Variants in ZNF430 observed in about 807,000 individuals in gnomAD.
ZNF430 encodes the protein zinc finger protein 430.
In ZNF430, 35 loss-of-function variants were observed where a neutral mutation model predicts 56.7. The ratio of observed to expected loss-of-function variants is 0.62; its 90% CI spans 0.47 to 0.82. The LOEUF is 0.82. Among genes scored for constraint, ZNF430 ranks in the 40% least tolerant of loss-of-function variants. The pLI, the probability that ZNF430 is intolerant of heterozygous loss-of-function variation, is 0.00. For synonymous variants in ZNF430, 212 were observed against 224.3 expected (o/e 0.94, Z 0.49); for missense variants, 574 against 661.0 (o/e 0.87, Z 1.44).
intron 4 of ZNF430, among the ~76,000 whole-genome samples, chr19:21,037,395 GGTGTGAGTCA>G (rs1471916185): frequency 6.6e-6 from 1 of 152,096 alleles, no homozygotes; most frequent in African/African-American, 2.4e-5. Context: ...TGGGATTACA[GGTGTGAGTCA>G]CACGCTTGGC....
chr19:21,049,227 CTT>C (rs965749322), intron 4 of ZNF430, among the ~76,000 whole-genome samples: 3 of 127,674 alleles, frequency 2.3e-5, no homozygotes, highest in Non-Finnish European at 5.2e-5. Flanking sequence ...ACTTCTTAAA[CTT>C]TAATTAAATA....
chr19:21,021,745 T>G (rs1328875803), intron 1 of ZNF430, among the ~76,000 whole-genome samples: 1 of 152,014 alleles, frequency 6.6e-6, no homozygotes, highest in Non-Finnish European at 1.5e-5. Context: ...CAGACCTTAA[T>G]TGGCAGTATA....
At chr19:21,021,479 A>G (rs1051474611) in intron 1 of ZNF430, among the ~76,000 whole-genome samples, 2 of 152,082 alleles carry the variant, frequency 1.3e-5, no homozygotes, top group African/African-American at 4.8e-5. Flanking sequence ...AGCCTGTGTA[A>G]CAGAGCAAGA....
chr19:21,033,401 C>G, intron 2 of ZNF430, 55 bp from the exon 3 acceptor site: 1 of 1,554,274 alleles, frequency 6.4e-7, no homozygotes, highest in Non-Finnish European at 8.7e-7. Flanking sequence ...ATAATAAATT[C>G]TGCCCGTGGC....
intron 4 of ZNF430, among the ~76,000 whole-genome samples, chr19:21,050,542 T>C (rs2144785129): frequency 6.6e-6 from 1 of 152,374 alleles, no homozygotes; most frequent in South Asian, 2.1e-4. Flanking sequence ...GGTTGTTCAA[T>C]CTTGTCTAGG....
intron 2 of ZNF430, among the ~76,000 whole-genome samples, chr19:21,023,197 G>T (rs1967729095): frequency 6.6e-6 from 1 of 152,170 alleles, no homozygotes; most frequent in African/African-American, 2.4e-5. Context: ...GCATAGTGTG[G>T]TATCTCCTGA....
Position 21,058,203 on chromosome 19 carries a change from G to C in ZNF430, c.*182G>C. The C allele has an allele frequency of 1.7e-6, 1 of 605,270 alleles. No individual in the cohort carries two copies. The highest frequency in any genetic ancestry group is 2.8e-6 in the Non-Finnish European group (1 of 352,218). The allele number at this position is 605,270 out of a possible 1,614,324, so 37.5% of individuals were successfully genotyped here. On this transcript the variant is annotated 3_prime_UTR_variant, in exon 5 of 5. Transcript: ENST00000261560. ...CTCACACCTGTAATCCCAGCACTTT[G>C]GGAGGCTGAGACGGGTGAATTACAT...
rs546303476 is a variant in ZNF430 at position 21,051,022 on chromosome 19, C to T, written c.323-5609C>T. ...CAGCCTGGGCAACAGAGCAAGATTC[C>T]GTCTGAAAAAAATAAAATATGCTGT... On this transcript the variant is annotated intron_variant, in intron 4 of 4. Coordinates refer to ENST00000261560, the MANE Select transcript of ZNF430 (RefSeq NM_025189.4). Among the ~76,000 whole-genome samples, 11 of 151,796 alleles carry T rather than the reference C, an allele frequency of 7.2e-5. No individual in the cohort carries two copies. The East Asian group carries it at 2.1e-3, about 29-fold the overall frequency.
chr19:21,053,867 TTTTTTG>T (rs1437291056), intron 4 of ZNF430, among the ~76,000 whole-genome samples: 2 of 152,186 alleles, frequency 1.3e-5, no homozygotes, highest in Non-Finnish European at 2.9e-5. Flanking sequence ...AATTTGTGTC[TTTTTTG>T]TTTTTATGTT....
intron 4 of ZNF430, among the ~76,000 whole-genome samples, chr19:21,055,778 A>G (rs1033011776): frequency 2.6e-5 from 4 of 152,078 alleles, no homozygotes; most frequent in African/African-American, 9.7e-5. Context: ...CTTAATAGTA[A>G]TAACTTGCTA....
At chr19:21,043,217 T>C (rs1285197241) in intron 4 of ZNF430, among the ~76,000 whole-genome samples, 1 of 152,236 alleles carries the variant, frequency 6.6e-6, no homozygotes, top group East Asian at 1.9e-4. Flanking sequence ...TGAATGGTAT[T>C]GCCTAGATTT....
At position 21,056,962 on chromosome 19, in the gene ZNF430, A is replaced by T. The variant is rs1599511213; in HGVS notation, c.654A>T (p.Leu218Phe). The T allele has an allele frequency of 6.2e-7, 1 of 1,613,998 alleles. No individual in the cohort carries two copies. Among genetic ancestry groups the T allele is most frequent in the Non-Finnish European group, 8.5e-7 (1 of 1,179,912 alleles). Residue 218 changes from leucine to phenylalanine, a missense_variant, in exon 5 of 5, where the codon TTA becomes TTT. Transcript: ENST00000261560. ...KKCDKSFCMLLHLTQHKRIHI... is the reference protein window; with the variant it reads ...KKCDKSFCMLFHLTQHKRIHI... ...GTGACAAATCGTTTTGCATGCTTTT[A>T]CACCTAACTCAACATAAAAGAATTC...
chr19:21,032,887 C>T (rs1203870032), intron 2 of ZNF430, among the ~76,000 whole-genome samples: 2 of 152,112 alleles, frequency 1.3e-5, no homozygotes, highest in East Asian at 1.9e-4. Flanking sequence ...GAAAAATATA[C>T]ACAACTCAAA....
intron 4 of ZNF430, among the ~76,000 whole-genome samples, chr19:21,046,555 G>A (rs537915864): frequency 7.2e-5 from 11 of 152,116 alleles, no homozygotes; most frequent in South Asian, 2.1e-4. Flanking sequence ...TTCCTTCAGC[G>A]TTTACTTGTC....
rs1386986079 is a variant in ZNF430 at position 21,060,009 on chromosome 19, T to C, written c.*1988T>C. 6.6e-6 allele frequency: 1 copy of C among 152,198 alleles called. No individual in the cohort carries two copies. Among genetic ancestry groups the C allele is most frequent in the Non-Finnish European group, 1.5e-5 (1 of 68,036 alleles). 9.4% of individuals were successfully genotyped at this position (152,198 alleles called of 1,614,324 possible). A position where few individuals can be genotyped will look rare whatever the true frequency, so the allele number is the denominator to read the frequency against. ...AAAATAAATTAGTATATTATTGTAC[T>C]AATTGTACTTTTGTATAATAAAATC... On this transcript the variant is annotated 3_prime_UTR_variant, in exon 5 of 5. Transcript: ENST00000261560.
intron 2 of ZNF430, among the ~76,000 whole-genome samples, chr19:21,028,399 T>C (rs1752821228): frequency 6.6e-6 from 1 of 152,168 alleles, no homozygotes; most frequent in African/African-American, 2.4e-5. Flanking sequence ...AGTAGAGTAT[T>C]CTTGTCTTTC....
At chr19:21,054,458 TCAGA>T (rs2144790047) in intron 4 of ZNF430, among the ~76,000 whole-genome samples, 1 of 152,128 alleles carries the variant, frequency 6.6e-6, no homozygotes, top group African/African-American at 2.4e-5. Context: ...TTTGACTATA[TCAGA>T]CAGTACCCTT....
chr19:21,030,387 G>A (rs1272860888), intron 2 of ZNF430, among the ~76,000 whole-genome samples: 1 of 152,218 alleles, frequency 6.6e-6, no homozygotes, highest in African/African-American at 2.4e-5. Flanking sequence ...CTTCCAGGGT[G>A]TTATTAGGAT....
intron 4 of ZNF430, chr19:21,049,565 C>A (rs1568591211): frequency 6.6e-6 from 1 of 152,180 alleles, no homozygotes; most frequent in Non-Finnish European, 1.5e-5. Context: ...ACTGCCTTGG[C>A]TTCCTAAAGC....
Sources: allele counts gnomAD v4.1 joint callset (sites outside exome capture counted in the v4.1 genomes callset), GRCh38; gene constraint gnomAD v4.1.1; transcripts MANE v1.5; gene names NCBI Gene and HGNC (gene_info 2026-07-23, HGNC 2026-07-21).